The following FHIT variants were observed in gnomAD, a reference collection of about 807,000 sequenced individuals.
The protein encoded by FHIT is fragile histidine triad diadenosine triphosphatase, also known as bis(5'-adenosyl)-triphosphatase.
A neutral mutation model predicts 17.9 loss-of-function variants in FHIT; 19 were observed. The ratio of observed to expected loss-of-function variants is 1.06; its 90% CI spans 0.74 to 1.56. The LOEUF (loss-of-function observed/expected upper bound fraction) is 1.56. FHIT is among the 40% of genes most tolerant of loss of function. The pLI, the probability that FHIT is intolerant of heterozygous loss-of-function variation, is 0.00. For synonymous variants in FHIT, 81 were observed against 69.7 expected (o/e 1.16, Z -0.81); for missense variants, 248 against 189.2 (o/e 1.31, Z -1.82).
intron 8 of FHIT, among the ~76,000 whole-genome samples, chr3:59,909,803 T>A (rs1318484413): frequency 6.6e-6 from 1 of 152,214 alleles, no homozygotes; most frequent in Non-Finnish European, 1.5e-5. Flanking sequence ...ACACAGGATG[T>A]CTGCTCTTAA....
At chr3:60,027,081 A>G (rs1445522935) in intron 5 of FHIT, among the ~76,000 whole-genome samples, 1 of 150,160 alleles carries the variant, frequency 6.7e-6, no homozygotes, top group Non-Finnish European at 1.5e-5. Flanking sequence ...CCTGGGTGAC[A>G]GAGTGAGTAA....
intron 5 of FHIT, among the ~76,000 whole-genome samples, chr3:60,028,847 T>C (rs1559561751): frequency 6.6e-6 from 1 of 152,020 alleles, no homozygotes; most frequent in African/African-American, 2.4e-5. Context: ...GGAAGTGACA[T>C]CAAAAAAGTC....
At chr3:60,994,872 C>A (rs73102300) in intron 3 of FHIT, among the ~76,000 whole-genome samples, 392 of 152,278 alleles carry the variant, frequency 2.6e-3, no homozygotes, top group Non-Finnish European at 4.3e-3. Context: ...TCCAGCCAGT[C>A]GTTCCCATGA....
intron 3 of FHIT, among the ~76,000 whole-genome samples, chr3:60,979,115 CA>C (rs1710382570): frequency 6.6e-6 from 1 of 152,156 alleles, no homozygotes; most frequent in African/African-American, 2.4e-5. Flanking sequence ...TCAATTAATT[CA>C]GTTCTTAGGC....
intron 5 of FHIT, among the ~76,000 whole-genome samples, chr3:60,327,310 G>A (rs1215263674): frequency 6.6e-6 from 1 of 152,150 alleles, no homozygotes; most frequent in African/African-American, 2.4e-5. Flanking sequence ...TATATTCCCA[G>A]CATCTAGTCC....
At chr3:60,705,327 A>G (rs2041347326) in intron 4 of FHIT, among the ~76,000 whole-genome samples, 1 of 152,324 alleles carries the variant, frequency 6.6e-6, no homozygotes, top group East Asian at 1.9e-4. Context: ...ACAGATAAGA[A>G]AATGGAGACC....
intron 2 of FHIT, among the ~76,000 whole-genome samples, chr3:61,082,763 C>T (rs1022829287): frequency 3.9e-5 from 6 of 152,190 alleles, no homozygotes; most frequent in Non-Finnish European, 7.3e-5. Context: ...CTCATTGTCT[C>T]TAATAACTAA....
chr3:60,280,649 G>T (rs1353246782), intron 5 of FHIT, among the ~76,000 whole-genome samples: 1 of 152,134 alleles, frequency 6.6e-6, no homozygotes, highest in African/African-American at 2.4e-5. Context: ...GCTTCTGTGG[G>T]AGTACGGCCC....
chr3:59,770,739 G>A (rs1323955709), intron 8 of FHIT, among the ~76,000 whole-genome samples: 2 of 152,228 alleles, frequency 1.3e-5, no homozygotes, highest in East Asian at 1.9e-4. Context: ...ACTACTCCCC[G>A]TTTCACAGAT....
intron 8 of FHIT, among the ~76,000 whole-genome samples, chr3:59,847,952 C>T (rs750658493): frequency 5.3e-5 from 8 of 152,058 alleles, no homozygotes; most frequent in South Asian, 2.1e-4. Context: ...TTAAGGGAAG[C>T]GAAAAAAGGC....
intron 4 of FHIT, among the ~76,000 whole-genome samples, chr3:60,616,249 T>C (rs2038946735): frequency 6.6e-6 from 1 of 152,224 alleles, no homozygotes; most frequent in African/African-American, 2.4e-5. Flanking sequence ...TTTTCTTGTT[T>C]GTTCAGTTTA....
intron 4 of FHIT, among the ~76,000 whole-genome samples, chr3:60,577,817 C>T (rs966556666): frequency 6.6e-6 from 1 of 152,114 alleles, no homozygotes; most frequent in East Asian, 1.9e-4. Context: ...CATTAGATGC[C>T]TCATTGGCTG....
intron 4 of FHIT, among the ~76,000 whole-genome samples, chr3:60,713,755 G>C (rs1431495637): frequency 1.3e-5 from 2 of 152,100 alleles, no homozygotes; most frequent in African/African-American, 4.8e-5. Flanking sequence ...TCTCTGAATA[G>C]ACCAATAACA....
intron 5 of FHIT, among the ~76,000 whole-genome samples, chr3:60,483,740 C>G (rs1212543345): frequency 6.6e-6 from 1 of 151,974 alleles, no homozygotes; most frequent in Non-Finnish European, 1.5e-5. Flanking sequence ...TGGGTAAAAC[C>G]TGGAAGCATT....
intron 5 of FHIT, among the ~76,000 whole-genome samples, chr3:60,333,949 T>C (rs1467290275): frequency 7.0e-6 from 1 of 143,212 alleles, no homozygotes; most frequent in East Asian, 2.1e-4. Context: ...CCCTAATTCC[T>C]GTTTTCCTAC....
At chr3:60,073,766 T>C (rs899371020) in intron 5 of FHIT, among the ~76,000 whole-genome samples, 1 of 152,104 alleles carries the variant, frequency 6.6e-6, no homozygotes, top group Admixed American at 6.6e-5. Flanking sequence ...AAAAAATCAC[T>C]CCACTCCTGC....
At chr3:60,190,069 G>A (rs1006928265) in intron 5 of FHIT, among the ~76,000 whole-genome samples, 3 of 152,122 alleles carry the variant, frequency 2.0e-5, no homozygotes. Flanking sequence ...CTTTTCAGTA[G>A]GGAAAAACTA....
intron 7 of FHIT, among the ~76,000 whole-genome samples, chr3:59,987,674 C>CT (rs754059758): frequency 8.6e-5 from 13 of 151,876 alleles, no homozygotes; most frequent in Non-Finnish European, 1.5e-4. Flanking sequence ...TTAATATGCA[C>CT]TTTTTTTTCA....
intron 4 of FHIT, among the ~76,000 whole-genome samples, chr3:60,634,256 G>C (rs2039521667): frequency 6.6e-6 from 1 of 151,946 alleles, no homozygotes; most frequent in Non-Finnish European, 1.5e-5. Context: ...AACTTAAACG[G>C]GTTGCCAATC....
Sources: allele counts gnomAD v4.1 joint callset (sites outside exome capture counted in the v4.1 genomes callset), GRCh38; gene constraint gnomAD v4.1.1; transcripts MANE v1.5; gene names NCBI Gene and HGNC (gene_info 2026-07-23, HGNC 2026-07-21).